IL18RAP: variants seen among roughly 807,000 people sequenced by gnomAD.
IL18RAP encodes interleukin 18 receptor accessory protein.
A neutral mutation model predicts 58.1 loss-of-function variants in IL18RAP; 37 were observed. The observed-to-expected ratio is 0.64, with a 90% CI of 0.49 to 0.84. IL18RAP has a LOEUF of 0.84. IL18RAP is among the 40% of genes least tolerant of loss of function. The pLI is 0.00. For synonymous variants in IL18RAP, 268 were observed against 257.5 expected (o/e 1.04, Z -0.39); for missense variants, 667 against 704.8 (o/e 0.95, Z 0.61).
At chr2:102,420,987 T>C (rs533134232), upstream of IL18RAP, among the ~76,000 whole-genome samples, 1 of 152,336 alleles carries the variant, frequency 6.6e-6, no homozygotes, top group South Asian at 2.1e-4. Flanking sequence ...ATGGGATATC[T>C]GCTCTTCAGG....
chr2:102,448,966 A>T (rs1243799633), intron 8 of IL18RAP, among the ~76,000 whole-genome samples: 3 of 148,086 alleles, frequency 2.0e-5, no homozygotes, highest in Non-Finnish European at 3.0e-5. Flanking sequence ...ATCTCAAAAA[A>T]AAAAAAAAAA....
intron 9 of IL18RAP, among the ~76,000 whole-genome samples, 197 bp downstream of exon 9, chr2:102,451,218 G>A (rs1192407200): frequency 2.0e-5 from 3 of 152,224 alleles, no homozygotes; most frequent in Non-Finnish European, 4.4e-5. Flanking sequence ...TGCAGAAGAA[G>A]ACAATCACAT....
chr2:102,445,439 T>C, intron 7 of IL18RAP, 99 bp downstream of exon 7: 1 of 1,253,908 alleles, frequency 8.0e-7, no homozygotes, highest in Non-Finnish European at 1.1e-6. Context: ...GCGATTACAT[T>C]TTCTAGGTGA....
chr2:102,435,133 A>C (rs1004106413), intron 3 of IL18RAP: 4 of 152,234 alleles, frequency 2.6e-5, no homozygotes, highest in African/African-American at 9.6e-5. Flanking sequence ...GGGTATGTTC[A>C]GTGTATGGTC....
At position 102,452,241 on chromosome 2, in the gene IL18RAP, C is replaced by A; in HGVS notation, c.*60C>A. On this transcript the variant is annotated 3_prime_UTR_variant, in exon 10 of 10. Transcript: ENST00000687160. Reference sequence around the variant, plus strand: ...GGGATAGAGATGTTGCTGGACAGAACTCACAGCTCTGTGTGTGTGTGTTCA... The same window carrying A: ...GGGATAGAGATGTTGCTGGACAGAAATCACAGCTCTGTGTGTGTGTGTTCA... 1 of 1,450,128 alleles carries A rather than the reference C, an allele frequency of 6.9e-7. No homozygotes were observed. The highest frequency in any genetic ancestry group is 1.4e-5 in the African/African-American group (1 of 70,340). The allele number at this position is 1,450,128 out of a possible 1,614,324, so 89.8% of individuals were successfully genotyped here.
intron 8 of IL18RAP, 29 bp from the exon 9 acceptor site, chr2:102,450,817 TTA>T (rs1366690851): frequency 6.9e-7 from 1 of 1,458,860 alleles, no homozygotes; most frequent in East Asian, 2.3e-5. Flanking sequence ...AGTAAATGAC[TTA>T]TGTTTTTATA....
At chr2:102,447,685 A>G (rs1284616204) in intron 8 of IL18RAP, among the ~76,000 whole-genome samples, 1 of 151,442 alleles carries the variant, frequency 6.6e-6, no homozygotes, top group Non-Finnish European at 1.5e-5. Context: ...TATTCTTAAG[A>G]CACATTTAGT....
intron 8 of IL18RAP, among the ~76,000 whole-genome samples, chr2:102,448,699 C>T (rs958976208): frequency 7.9e-5 from 12 of 152,006 alleles, no homozygotes; most frequent in African/African-American, 2.7e-4. Context: ...GTGGCTCACA[C>T]CTGTAATCCC....
chr2:102,445,428 A>G, intron 7 of IL18RAP, 88 bp downstream of exon 7: 1 of 1,321,660 alleles, frequency 7.6e-7, no homozygotes, highest in Non-Finnish European at 1.1e-6. Flanking sequence ...TAATGATGAC[A>G]GCGATTACAT....
chr2:102,438,604 T>C (rs926818677), intron 4 of IL18RAP: 5 of 152,222 alleles, frequency 3.3e-5, no homozygotes, highest in Non-Finnish European at 1.5e-5. Flanking sequence ...AAATTCTCAA[T>C]GGCATAATCT....
At chr2:102,423,475 T>G in intron 1 of IL18RAP, 128 bp downstream of exon 1, 1 of 830,072 alleles carries the variant, frequency 1.2e-6, no homozygotes, top group Non-Finnish European at 2.0e-6. Flanking sequence ...AAAAGGGGAC[T>G]GAGAGGAGAA....
chr2:102,441,288 G>A (rs2104360116), intron 4 of IL18RAP, 24 bp from the exon 5 acceptor site: 2 of 1,600,146 alleles, frequency 1.2e-6, no homozygotes, highest in Non-Finnish European at 8.6e-7. Flanking sequence ...AATGCAAATA[G>A]TAATCTTTGT....
intron 3 of IL18RAP, among the ~76,000 whole-genome samples, chr2:102,429,356 A>T (rs908568524): frequency 5.3e-5 from 8 of 151,848 alleles, no homozygotes; most frequent in Non-Finnish European, 1.0e-4. Context: ...TTTTATTGGC[A>T]TATAATTGTT....
chr2:102,436,805 A>ATATG (rs1553404976), intron 3 of IL18RAP, among the ~76,000 whole-genome samples: 1 of 143,358 alleles, frequency 7.0e-6, no homozygotes, highest in Non-Finnish European at 1.6e-5. Flanking sequence ...ATGTATATAT[A>ATATG]TGTGTGTGTG....
intron 3 of IL18RAP, 29 bp downstream of exon 3, chr2:102,424,443 A>G (rs750881713): frequency 1.3e-6 from 2 of 1,579,424 alleles, no homozygotes; most frequent in East Asian, 2.2e-5. Flanking sequence ...AAATTAATAT[A>G]AGAGCATTGT....
intron 9 of IL18RAP, 35 bp from the exon 10 acceptor site, chr2:102,451,731 T>C (rs2104392758): frequency 1.3e-6 from 2 of 1,558,206 alleles, no homozygotes; most frequent in South Asian, 1.2e-5. Context: ...GGTTTAACAA[T>C]ATCCATTGCA....
At chr2:102,439,080 T>C (rs1682938971) in intron 4 of IL18RAP, 1 of 152,234 alleles carries the variant, frequency 6.6e-6, no homozygotes, top group Non-Finnish European at 1.5e-5. Flanking sequence ...ATCACACTCT[T>C]CTAATACGTG....
chr2:102,420,587 G>C (rs913790995), upstream of IL18RAP, among the ~76,000 whole-genome samples: 2 of 152,182 alleles, frequency 1.3e-5, no homozygotes, highest in Non-Finnish European at 2.9e-5. Context: ...TAACTAATTT[G>C]CTATAGGCTT....
chr2:102,424,552 A>G, intron 3 of IL18RAP, 138 bp downstream of exon 3: 1 of 691,468 alleles, frequency 1.4e-6, no homozygotes, highest in Non-Finnish European at 2.4e-6. Context: ...TCTGCAGGAG[A>G]TCTGACTTTC....
Sources: gnomAD v4.1 joint callset for allele counts (sites outside exome capture counted in the v4.1 genomes callset) on GRCh38, gnomAD v4.1.1 for gene constraint, MANE v1.5 for transcripts, NCBI Gene and HGNC (gene_info 2026-07-23, HGNC 2026-07-21) for gene names.